The following DOCK4 variants were observed in gnomAD, a reference collection of about 807,000 sequenced individuals.
DOCK4 encodes dedicator of cytokinesis 4, also known as dedicator of cytokinesis protein 4.
A neutral mutation model predicts 268.1 loss-of-function variants in DOCK4; 97 were observed. The ratio of observed to expected loss-of-function variants is 0.36; its 90% CI spans 0.31 to 0.43. The LOEUF (loss-of-function observed/expected upper bound fraction) is 0.43, where lower values mean the gene tolerates loss of function less well. DOCK4 is among the 20% of genes least tolerant of loss of function. The pLI is 1.00. For synonymous variants in DOCK4, 954 were observed against 887.2 expected (o/e 1.08, Z -1.34); for missense variants, 2,145 against 2,455.7 (o/e 0.87, Z 2.67).
chr7:111,936,063 A>C (rs1407707542), intron 11 of DOCK4, among the ~76,000 whole-genome samples: 1 of 152,240 alleles, frequency 6.6e-6, no homozygotes, highest in Non-Finnish European at 1.5e-5. Flanking sequence ...ACTTTAAACT[A>C]ACATGGGCTT....
At position 112,206,227 on chromosome 7, in the gene DOCK4, C is replaced by T. The variant is rs1482489625; in HGVS notation, c.-89G>A. 2 of 1,422,712 alleles carry T rather than the reference C, an allele frequency of 1.4e-6. No individual in the cohort carries two copies. 88.1% of individuals were successfully genotyped at this position (1,422,712 alleles called of 1,614,324 possible). ...AATGCACAGTCCCCGAGCAGCGCTG[C>T]AGTGCCGGAGCCCAGCGGCTTCGCG... On this transcript the variant is annotated 5_prime_UTR_variant, in exon 1 of 53. Coordinates refer to ENST00000428084, the MANE Select transcript of DOCK4 (RefSeq NM_001363540.2).
chr7:111,728,462 C>G lies in DOCK4; in HGVS notation c.5740G>C (p.Val1914Leu). The G allele has an allele frequency of 6.2e-7, 1 of 1,609,802 alleles. No homozygotes were observed. Among genetic ancestry groups the G allele is most frequent in the Non-Finnish European group, 8.5e-7 (1 of 1,177,960 alleles). Residue 1914 changes from valine (V) to leucine (L), a missense_variant, in exon 53 of 53, where the codon GTC becomes CTC. Around this residue, in one of 2 missense-constraint regions of DOCK4, gnomAD observed 547 missense variants for 469.0 expected, o/e 1.17. Transcript: ENST00000428084. ...KESKTPPPYS[V>L]YERTLRRPVP... ...GGGCGCCGCAGAGTCCGCTCGTAGA[C>G]GCTGTACGGGGGCGGAGTCTTGCTC...
At chr7:112,054,124 C>A (rs1805612948) in intron 1 of DOCK4, among the ~76,000 whole-genome samples, 1 of 152,052 alleles carries the variant, frequency 6.6e-6, no homozygotes, top group Non-Finnish European at 1.5e-5. Context: ...GAGTTCAAGA[C>A]CAGCCTGGGC....
chr7:111,973,457 A>C (rs1429156177), intron 8 of DOCK4, among the ~76,000 whole-genome samples: 1 of 152,108 alleles, frequency 6.6e-6, no homozygotes, highest in Non-Finnish European at 1.5e-5. Flanking sequence ...AAACCAAATG[A>C]CACATAAGTT....
At chr7:111,852,923 T>G (rs149231348) in intron 23 of DOCK4, among the ~76,000 whole-genome samples, 180 of 152,322 alleles carry the variant, frequency 1.2e-3, no homozygotes, top group African/African-American at 4.2e-3. Flanking sequence ...TAACTTTCCA[T>G]GCATTTAACA....
chr7:112,021,274 A>G (rs1054404420), intron 1 of DOCK4, among the ~76,000 whole-genome samples: 1 of 152,240 alleles, frequency 6.6e-6, no homozygotes, highest in African/African-American at 2.4e-5. Context: ...GTTGGTTCTT[A>G]GCTATGTTTT....
At chr7:112,109,225 T>G (rs1811408121) in intron 1 of DOCK4, among the ~76,000 whole-genome samples, 2 of 152,136 alleles carry the variant, frequency 1.3e-5, no homozygotes, top group Admixed American at 6.5e-5. Flanking sequence ...ACTGCAGCAC[T>G]GCCTTCTTCC....
At chr7:112,014,630 G>A (rs1041445569) in intron 1 of DOCK4, among the ~76,000 whole-genome samples, 1 of 152,146 alleles carries the variant, frequency 6.6e-6, no homozygotes, top group Admixed American at 6.5e-5. Flanking sequence ...ATTTTTAAAT[G>A]TACACAGCAA....
At chr7:111,858,267 T>C (rs539097529) in intron 23 of DOCK4, among the ~76,000 whole-genome samples, 4 of 152,386 alleles carry the variant, frequency 2.6e-5, no homozygotes, top group Admixed American at 2.6e-4. Flanking sequence ...CCATGACTAT[T>C]CTGCAGCCAT....
At chr7:111,959,401 T>G (rs1252181776) in intron 8 of DOCK4, among the ~76,000 whole-genome samples, 1 of 152,180 alleles carries the variant, frequency 6.6e-6, no homozygotes, top group African/African-American at 2.4e-5. Flanking sequence ...CAAAAAGGGA[T>G]CTATGCCCAT....
chr7:112,054,878 A>G (rs1199073712), intron 1 of DOCK4, among the ~76,000 whole-genome samples: 1 of 152,234 alleles, frequency 6.6e-6, no homozygotes. Context: ...AGTTAAAATA[A>G]ACTTGTTTCA....
chr7:112,133,770 C>T (rs979442529), intron 1 of DOCK4, among the ~76,000 whole-genome samples: 1 of 152,136 alleles, frequency 6.6e-6, no homozygotes, highest in Non-Finnish European at 1.5e-5. Flanking sequence ...TAAAATGGCT[C>T]TTTGGATGTA....
intron 12 of DOCK4, among the ~76,000 whole-genome samples, chr7:111,932,691 A>T (rs1372079193): frequency 2.6e-5 from 4 of 152,196 alleles, no homozygotes; most frequent in South Asian, 4.1e-4. Flanking sequence ...TGTAATCAAT[A>T]TGAAAATTAT....
intron 1 of DOCK4, among the ~76,000 whole-genome samples, chr7:112,149,343 G>A (rs1056367803): frequency 6.6e-6 from 1 of 152,012 alleles, no homozygotes; most frequent in Non-Finnish European, 1.5e-5. Flanking sequence ...AAAAAATGCA[G>A]GACAATCATG....
At chr7:111,803,076 G>T (rs554631818) in intron 30 of DOCK4, among the ~76,000 whole-genome samples, 49 of 152,284 alleles carry the variant, frequency 3.2e-4, no homozygotes, top group African/African-American at 1.2e-3. Context: ...CTTAAAACAT[G>T]TCATGTATAG....
intron 23 of DOCK4, among the ~76,000 whole-genome samples, chr7:111,849,582 C>T (rs1804385084): frequency 6.6e-6 from 1 of 152,072 alleles, no homozygotes; most frequent in Admixed American, 6.5e-5. Flanking sequence ...ACATGAGGGG[C>T]TTTTCTCCAA....
intron 30 of DOCK4, 95 bp downstream of exon 30, chr7:111,808,726 A>C: frequency 7.9e-7 from 1 of 1,270,162 alleles, no homozygotes; most frequent in Non-Finnish European, 1.1e-6. Context: ...TTGGTTTCAC[A>C]TGGTGTCACT....
At chr7:111,856,189 C>A (rs1804995902) in intron 23 of DOCK4, among the ~76,000 whole-genome samples, 1 of 152,166 alleles carries the variant, frequency 6.6e-6, no homozygotes, top group South Asian at 2.1e-4. Context: ...ACAGGTGTCA[C>A]CCTTTCCCCA....
chr7:111,846,735 G>T (rs1007800510), intron 24 of DOCK4, among the ~76,000 whole-genome samples: 2 of 152,170 alleles, frequency 1.3e-5, no homozygotes, highest in African/African-American at 4.8e-5. Flanking sequence ...ACACGTGGGA[G>T]GCTTTGAGAT....
Sources: allele counts gnomAD v4.1 joint callset (sites outside exome capture counted in the v4.1 genomes callset), GRCh38; gene constraint gnomAD v4.1.1; regional missense constraint gnomAD v4.1.1; transcripts MANE v1.5; gene names NCBI Gene and HGNC (gene_info 2026-07-23, HGNC 2026-07-21).